The following TGM6 variants were observed in gnomAD, a reference collection of about 807,000 sequenced individuals.
The protein encoded by TGM6 is protein-glutamine gamma-glutamyltransferase 6.
In TGM6, 74 loss-of-function variants were observed where a neutral mutation model predicts 77.5. The ratio of observed to expected loss-of-function variants is 0.96; its 90% CI spans 0.79 to 1.16. TGM6 has a LOEUF of 1.16. Ranked by LOEUF, TGM6 falls within the 50% of genes most tolerant of loss-of-function variation. The pLI, the probability that TGM6 is intolerant of heterozygous loss-of-function variation, is 0.00. For synonymous variants in TGM6, 383 were observed against 378.9 expected, an observed-to-expected ratio of 1.01 and a Z score of -0.12; for missense variants, 968 against 940.2, an observed-to-expected ratio of 1.03 and a Z score of -0.39.
chr20:2,428,257 G>A (rs951723661), intron 10 of TGM6, among the ~76,000 whole-genome samples: 2 of 152,148 alleles, frequency 1.3e-5, no homozygotes, highest in African/African-American at 2.4e-5. Flanking sequence ...GCTGAGTGAC[G>A]GTGCTATTGA....
At chr20:2,430,406 G>A in intron 10 of TGM6, 40 bp from the exon 11 acceptor site, 1 of 1,613,706 alleles carries the variant, frequency 6.2e-7, no homozygotes, top group Non-Finnish European at 8.5e-7. Flanking sequence ...ATTGAAGAAA[G>A]ACATCAAGCC....
At chr20:2,416,416 A>G (rs2084817085) in intron 9 of TGM6, among the ~76,000 whole-genome samples, 1 of 152,204 alleles carries the variant, frequency 6.6e-6, no homozygotes, top group Non-Finnish European at 1.5e-5. Flanking sequence ...AAAGAATAAA[A>G]ATAGTCTTTT....
At chr20:2,406,855 A>AAC (rs2084755634) in intron 9 of TGM6, among the ~76,000 whole-genome samples, 1 of 133,332 alleles carries the variant, frequency 7.5e-6, no homozygotes, top group Non-Finnish European at 1.6e-5. Context: ...AAAAAAAAAA[A>AAC]AAAAAAAAAA....
intron 10 of TGM6, among the ~76,000 whole-genome samples, chr20:2,421,488 A>G (rs1281998530): frequency 6.6e-6 from 1 of 152,208 alleles, no homozygotes; most frequent in Non-Finnish European, 1.5e-5. Context: ...TGACATTGTA[A>G]TAGGTGTGTA....
chr20:2,420,477 G>A (rs1026848537), intron 10 of TGM6, among the ~76,000 whole-genome samples: 1 of 152,154 alleles, frequency 6.6e-6, no homozygotes, highest in African/African-American at 2.4e-5. Flanking sequence ...TATTGGCACA[G>A]TATTATTAAC....
intron 7 of TGM6, 107 bp from the exon 8 acceptor site, chr20:2,403,290 C>T (rs2084723772): frequency 8.7e-7 from 1 of 1,152,940 alleles, no homozygotes; most frequent in Admixed American, 2.0e-5. Flanking sequence ...CAACATGCAG[C>T]CACAGTTCTT....
chr20:2,431,980 G>C (rs1378043495), intron 12 of TGM6, among the ~76,000 whole-genome samples: 1 of 152,204 alleles, frequency 6.6e-6, no homozygotes, highest in Non-Finnish European at 1.5e-5. Context: ...AAACTAGCCT[G>C]GCTAGATGGG....
At chr20:2,382,878 A>C (rs954777093) in intron 1 of TGM6, among the ~76,000 whole-genome samples, 3 of 152,176 alleles carry the variant, frequency 2.0e-5, no homozygotes, top group Admixed American at 6.5e-5. Flanking sequence ...CAGCTCTTTA[A>C]GTACCAGTTG....
intron 3 of TGM6, 109 bp from the exon 4 acceptor site, chr20:2,396,397 C>T (rs2084667468): frequency 9.2e-7 from 1 of 1,092,438 alleles, no homozygotes; most frequent in Non-Finnish European, 1.4e-6. Context: ...CTCTCCTGCC[C>T]CAGTCAGCCT....
intron 10 of TGM6, among the ~76,000 whole-genome samples, chr20:2,425,972 T>C (rs1188174527): frequency 5.3e-5 from 8 of 152,214 alleles, no homozygotes; most frequent in African/African-American, 1.9e-4. Context: ...AACTATCTTG[T>C]ACCCATTATC....
At chr20:2,426,470 T>C (rs2084888428) in intron 10 of TGM6, among the ~76,000 whole-genome samples, 1 of 152,190 alleles carries the variant, frequency 6.6e-6, no homozygotes, top group Non-Finnish European at 1.5e-5. Flanking sequence ...ACAAAGACTG[T>C]TTTATTTCTT....
intron 1 of TGM6, among the ~76,000 whole-genome samples, chr20:2,382,915 C>T (rs950781634): frequency 1.1e-4 from 17 of 152,070 alleles, no homozygotes; most frequent in African/African-American, 3.9e-4. Context: ...GAGGTGAGAC[C>T]CTTTTGCCAT....
In TGM6 at chr20:2,414,944, G is replaced by GGGGC. The variant is rs1344738303; in HGVS notation, c.1337-2287_1337-2286insGGCG. ...GATGGTTACAGAATTTGGGGGGGGG[G>GGGGC]GTGAAAAAACGTTCTAAAATTAGAT... is the stretch of plus-strand genomic sequence containing the variant. On this transcript the variant is annotated intron_variant, in intron 9 of 12. Transcript: ENST00000202625. Among the ~76,000 whole-genome samples, 691 of 97,338 alleles carry GGGGC rather than the reference G, an allele frequency of 7.1e-3. 35 individuals are homozygous for GGGGC. The highest frequency in any genetic ancestry group is 0.026 in the African/African-American group (538 of 20,852). The allele number at this position is 97,338 out of a possible 152,430, so 63.9% of individuals were successfully genotyped here.
chr20:2,388,624 C>CAAAA (rs11442124), intron 1 of TGM6, among the ~76,000 whole-genome samples: 1 of 148,054 alleles, frequency 6.8e-6, no homozygotes. Context: ...AACAAACAAA[C>CAAAA]AAACAAAAAA....
intron 1 of TGM6, among the ~76,000 whole-genome samples, chr20:2,387,148 T>A (rs981517382): frequency 6.6e-6 from 1 of 152,192 alleles, no homozygotes; most frequent in Non-Finnish European, 1.5e-5. Context: ...CTCTTCCAGC[T>A]CTGCTGATAT....
chr20:2,412,974 C>A lies in TGM6; in HGVS notation c.1337-4258C>A, dbSNP rs141134460. On this transcript the variant is annotated intron_variant, in intron 9 of 12. Coordinates refer to ENST00000202625, the MANE Select transcript of TGM6 (RefSeq NM_198994.3). ...TCTCAAAATTGACCTACAGACTCAA[C>A]AAAATCCTATCAAAGTTACAGCTGA... is the stretch of plus-strand genomic sequence containing the variant. Among the ~76,000 whole-genome samples, 460 of 152,258 alleles carry A rather than the reference C, an allele frequency of 3.0e-3. 4 individuals carry two copies. Among genetic ancestry groups the A allele is most frequent in the African/African-American group, 0.01 (428 of 41,554 alleles).
intron 10 of TGM6, among the ~76,000 whole-genome samples, chr20:2,421,664 T>A (rs1277137892): frequency 6.6e-6 from 1 of 152,236 alleles, no homozygotes; most frequent in African/African-American, 2.4e-5. Context: ...AAGGTCTTTG[T>A]GTATTTTGGA....
intron 1 of TGM6, among the ~76,000 whole-genome samples, chr20:2,385,920 C>CATGA (rs2122325685): frequency 6.6e-6 from 1 of 152,218 alleles, no homozygotes; most frequent in Middle Eastern, 3.2e-3. Flanking sequence ...GCTCTCAGTC[C>CATGA]AGTGAGGGAG....
chr20:2,406,482 G>A lies in TGM6; in HGVS notation c.1336+2659G>A, dbSNP rs572471197. Among the ~76,000 whole-genome samples the A allele has an allele frequency of 8.1e-5, 10 of 123,162 alleles. 1 individual carries two copies. Among genetic ancestry groups the A allele is most frequent in the Non-Finnish European group, 1.4e-4 (9 of 62,860 alleles). 80.8% of individuals were successfully genotyped at this position (123,162 alleles called of 152,430 possible). On this transcript the variant is annotated intron_variant, in intron 9 of 12. Transcript: ENST00000202625. ...CACTCCAGCCTGGGCAACACAGTGAGACCCTGTCTCAAAAAAAAAAAAAAA... is the reference window on the plus strand; with the variant it reads ...CACTCCAGCCTGGGCAACACAGTGAAACCCTGTCTCAAAAAAAAAAAAAAA...
Sources: allele counts gnomAD v4.1 joint callset (sites outside exome capture counted in the v4.1 genomes callset), GRCh38; gene constraint gnomAD v4.1.1; transcripts MANE v1.5; gene names NCBI Gene and HGNC (gene_info 2026-07-23, HGNC 2026-07-21).